The following TLE6 variants were observed in gnomAD, a reference collection of about 807,000 sequenced individuals.
TLE6 encodes the protein transducin-like enhancer protein 6.
In TLE6, 72 loss-of-function variants were observed where a neutral mutation model predicts 77.1. The ratio of observed to expected loss-of-function variants is 0.93; its 90% CI spans 0.77 to 1.14. The LOEUF (loss-of-function observed/expected upper bound fraction) is 1.14. Among genes scored for constraint, TLE6 ranks in the 50% most tolerant of loss-of-function variants. The pLI is 0.00. For missense variants in TLE6, 843 were observed against 747.6 expected, an observed-to-expected ratio of 1.13 and a Z score of -1.49; for synonymous variants, 366 against 287.3, an observed-to-expected ratio of 1.27 and a Z score of -2.77.
In TLE6 at chr19:2,995,056, T is replaced by TAC; in HGVS notation, c.*52_*53insAC. ...CGGCTCCTCTTTTCATCCCCCCCCT[T>TAC]CCCCCCCCCCAACAAGGGGGACATG... On this transcript the variant is annotated 3_prime_UTR_variant, in exon 17 of 17. Transcript: ENST00000246112. 8.5e-6 allele frequency: 7 copies of TAC among 827,278 alleles called. No individual in the cohort carries two copies. The South Asian group carries it at 1.2e-4, about 14-fold the overall frequency. The allele number at this position is 827,278 out of a possible 1,614,324, so 51.2% of individuals were successfully genotyped here.
rs746899472 is a variant in TLE6, at chr19:2,991,893, A to G, written c.1295A>G (p.Tyr432Cys). 1.9e-6 allele frequency: 3 copies of G among 1,613,906 alleles called. No homozygotes were observed. The highest frequency in any genetic ancestry group is 2.5e-6 in the Non-Finnish European group (3 of 1,179,998). Residue 432 changes from tyrosine to cysteine, a missense_variant, in exon 14 of 17, where the codon TAC becomes TGC. By Grantham distance (194) the Tyr-to-Cys change is radical. Transcript: ENST00000246112. ...GTCAAGAGTATCGTGGTCAAGGGCT[A>G]CAACATCTGGACTGGGGGTCCGGAT... Reference protein sequence around the residue: ...DGVKSIVVKGYNIWTGGPDAC... With the variant: ...DGVKSIVVKGCNIWTGGPDAC...
intron 13 of TLE6, among the ~76,000 whole-genome samples, chr19:2,990,279 G>T (rs934056404): frequency 6.6e-6 from 1 of 151,550 alleles, no homozygotes; most frequent in Non-Finnish European, 1.5e-5. Flanking sequence ...AAATTAAATA[G>T]AATTTTTATA....
chr19:2,990,622 T>A (rs1450578310), intron 13 of TLE6, among the ~76,000 whole-genome samples: 1 of 135,844 alleles, frequency 7.4e-6, no homozygotes, highest in African/African-American at 3.1e-5. Context: ...GAAAAAAAAA[T>A]ACACACATAT....
At chr19:2,986,949 C>G (rs767139143) in intron 6 of TLE6, 34 bp from the exon 7 acceptor site, 33 of 1,560,696 alleles carry the variant, frequency 2.1e-5, no homozygotes, top group Non-Finnish European at 2.8e-5. Flanking sequence ...GGCTCATCCT[C>G]AAAGCTCTCA....
chr19:2,989,228 C>T lies in TLE6; in HGVS notation c.908C>T (p.Thr303Ile), dbSNP rs1053245230. 42 of 1,614,078 alleles carry T rather than the reference C, an allele frequency of 2.6e-5. No individual in the cohort carries two copies. The highest frequency in any genetic ancestry group is 3.5e-5 in the Non-Finnish European group (41 of 1,180,040). ...AGCAGCTTCACGCGGCACGTGTTCA[C>T]CTGTGGCAGAAGAGGCATCAAGGTG... ...AISSFTRHVF[T>I]CGRRGIKVWS... Residue 303 changes from threonine to isoleucine, a missense_variant, in exon 12 of 17, where the codon ACC becomes ATC. By Grantham distance (89) the Thr-to-Ile change is moderately conservative. Transcript: ENST00000246112.
Position 2,995,063 on chromosome 19 carries a change from C to T in TLE6, c.*59C>T, listed in dbSNP as rs548562389. ...TCTTTTCATCCCCCCCCTTCCCCCC[C>T]CCCAACAAGGGGGACATGGTGGAGG... On this transcript the variant is annotated 3_prime_UTR_variant, in exon 17 of 17. Coordinates refer to ENST00000246112, the MANE Select transcript of TLE6 (RefSeq NM_001143986.2). 5 of 1,028,246 alleles carry T rather than the reference C, an allele frequency of 4.9e-6. No individual in the cohort carries two copies. The highest frequency in any genetic ancestry group is 5.3e-5 in the East Asian group (2 of 38,082). The allele number at this position is 1,028,246 out of a possible 1,614,324, so 63.7% of individuals were successfully genotyped here. A position where few individuals can be genotyped will look rare whatever the true frequency, so the allele number is the denominator to read the frequency against.
chr19:2,993,626 A>G (rs763234595), intron 15 of TLE6, 44 bp downstream of exon 15: 1 of 1,522,156 alleles, frequency 6.6e-7, no homozygotes, highest in South Asian at 1.3e-5. Context: ...TGCAGCCCCC[A>G]GCCTCCCACA....
rs752098612 is a variant in TLE6, at chr19:2,989,123, C to CA, written c.806dup (p.Arg270GlufsTer51). 6.2e-7 allele frequency: 1 copy of CA among 1,614,124 alleles called. No homozygotes were observed. Among genetic ancestry groups the CA allele is most frequent in the African/African-American group, 1.3e-5 (1 of 75,054 alleles). On this transcript the variant is annotated frameshift_variant, in exon 12 of 17. Transcript: ENST00000246112. LOFTEE classifies it high-confidence loss of function. ...AGGCCAGATGCCTTGCCCGGGCAGTCAAAGAGACTCGCCGTCCCGTGCAAA... is the reference window on the plus strand; with the variant it reads ...AGGCCAGATGCCTTGCCCGGGCAGTCAAAAGAGACTCGCCGTCCCGTGCAAA...
chr19:2,992,793 A>ACGGGGGGGGG lies in TLE6; in HGVS notation c.1387-639_1387-638insCGGGGGGGGG, dbSNP rs1487334518. 2.5e-4 allele frequency among the ~76,000 whole-genome samples: 5 copies of ACGGGGGGGGG among 19,760 alleles called. 1 individual carries two copies. The highest frequency in any genetic ancestry group is 1.3e-3 in the African/African-American group (5 of 3,876). 13.0% of individuals were successfully genotyped at this position (19,760 alleles called of 152,430 possible). On this transcript the variant is annotated intron_variant, in intron 14 of 16. Transcript: ENST00000246112. ...AGACCCTGTCTCAAAAAAAAAAAAA[A>ACGGGGGGGGG]GGGGGGGAGGCGGGTGGGGGGGGGG...
At position 2,980,082 on chromosome 19, in the gene TLE6, T is replaced by G. The variant is rs1029671522; in HGVS notation, c.52-18T>G. On this transcript the variant is annotated intron_variant, in intron 2 of 16. Coordinates refer to ENST00000246112, the MANE Select transcript of TLE6 (RefSeq NM_001143986.2). ...GGAGCATTGTAAGTTTTATGTAACC[T>G]TGCTTTGACCTTTCCAGCCTTGTCC... The G allele has an allele frequency of 1.9e-6, 3 of 1,547,872 alleles. No individual in the cohort carries two copies. The African/African-American group carries it at 4.1e-5, about 21-fold the overall frequency.
chr19:2,983,597 C>A (rs540675147), intron 5 of TLE6, among the ~76,000 whole-genome samples: 1 of 128,458 alleles, frequency 7.8e-6, no homozygotes, highest in Non-Finnish European at 1.6e-5. Context: ...CGAGGAAGCC[C>A]GCATGGCTGG....
intron 2 of TLE6, 53 bp from the exon 3 acceptor site, chr19:2,980,047 C>T: frequency 7.0e-7 from 1 of 1,424,402 alleles, no homozygotes; most frequent in Non-Finnish European, 9.6e-7. Context: ...GACCGGGGGT[C>T]TTGGGTGTTG....
intron 5 of TLE6, among the ~76,000 whole-genome samples, chr19:2,982,486 C>G (rs2088817915): frequency 7.3e-6 from 1 of 137,508 alleles, no homozygotes; most frequent in African/African-American, 2.8e-5. Flanking sequence ...TGCAGTGAGG[C>G]AAGATCGTGG....
At chr19:2,980,366 A>C in intron 3 of TLE6, 184 bp downstream of exon 3, 1 of 433,844 alleles carries the variant, frequency 2.3e-6, no homozygotes, top group Non-Finnish European at 4.2e-6. Flanking sequence ...TTGATTAAAC[A>C]AAATTACCAA....
chr19:2,993,324 A>T, intron 14 of TLE6, 108 bp from the exon 15 acceptor site: 2 of 1,196,792 alleles, frequency 1.7e-6, no homozygotes, highest in Non-Finnish European at 2.3e-6. Flanking sequence ...CACAGCTAGG[A>T]AGGGGTCAGT....
chr19:2,987,537 TAGCCCAGGACCCAC>T (rs1044578319), intron 8 of TLE6, 165 bp downstream of exon 8: 3 of 1,144,126 alleles, frequency 2.6e-6, no homozygotes, highest in African/African-American at 1.5e-5. Context: ...TATACTGGAG[TAGCCCAGGACCCAC>T]AGCCCAGGGC....
intron 5 of TLE6, among the ~76,000 whole-genome samples, chr19:2,982,425 C>T (rs538264990): frequency 1.3e-4 from 19 of 151,356 alleles, no homozygotes; most frequent in African/African-American, 4.6e-4. Context: ...GTAGTCCCAG[C>T]TACTTGGGAG....
chr19:2,988,552 C>G (rs1170734342), intron 11 of TLE6, among the ~76,000 whole-genome samples: 2 of 151,984 alleles, frequency 1.3e-5, no homozygotes, highest in Non-Finnish European at 2.9e-5. Flanking sequence ...GAGTTGAGAT[C>G]GCGCCACTGC....
intron 2 of TLE6, among the ~76,000 whole-genome samples, chr19:2,979,741 C>T (rs1193771667): frequency 6.7e-6 from 1 of 149,706 alleles, no homozygotes; most frequent in Non-Finnish European, 1.5e-5. Flanking sequence ...GAGGTTGAGA[C>T]CAGCCTGGCC....
Sources: allele counts gnomAD v4.1 joint callset (sites outside exome capture counted in the v4.1 genomes callset), GRCh38; gene constraint gnomAD v4.1.1; transcripts MANE v1.5; gene names NCBI Gene and HGNC (gene_info 2026-07-23, HGNC 2026-07-21).